Variants in CCT5 observed in about 807,000 individuals in gnomAD.
CCT5 encodes the protein T-complex protein 1 subunit epsilon.
Under a neutral mutation model 55.0 loss-of-function variants are expected in CCT5, and 6 were observed. The ratio of observed to expected loss-of-function variants is 0.11; its 90% confidence interval spans 0.06 to 0.22. The LOEUF is 0.22. CCT5 is among the 10% of genes least tolerant of loss of function. CCT5 has a pLI of 1.00. For synonymous variants in CCT5, 231 were observed against 243.7 expected, an observed-to-expected ratio of 0.95 and a Z score of 0.49; for missense variants, 560 against 694.6, an observed-to-expected ratio of 0.81 and a Z score of 2.18.
At chr5:10,259,546 A>G (rs1745852413) in intron 6 of CCT5, among the ~76,000 whole-genome samples, 1 of 152,216 alleles carries the variant, frequency 6.6e-6, no homozygotes, top group Admixed American at 6.5e-5. Context: ...CAGCTCCATT[A>G]CAGACACTGG....
chr5:10,262,322 A>G (rs1393624992), intron 8 of CCT5, 159 bp from the exon 9 acceptor site: 1 of 802,942 alleles, frequency 1.2e-6, no homozygotes, highest in Non-Finnish European at 2.1e-6. Context: ...TGTTAACTAC[A>G]TTGCAGGAAG....
chr5:10,257,348 A>G (rs10067211), intron 4 of CCT5, among the ~76,000 whole-genome samples: 6,172 of 152,278 alleles, frequency 0.041, 439 homozygotes, highest in African/African-American at 0.14. Flanking sequence ...TTCTCATGAA[A>G]GGAGGACATC....
upstream of CCT5, chr5:10,250,039 A>T: frequency 1.3e-6 from 2 of 1,542,572 alleles, no homozygotes; most frequent in Non-Finnish European, 1.7e-6. Flanking sequence ...TCGAGAAACT[A>T]TCAGTGGTAA....
chr5:10,263,204 C>G lies in CCT5; in HGVS notation c.1388C>G (p.Ser463Cys). Residue 463 changes from serine to cysteine, a missense_variant, in exon 10 of 11, where the codon TCT becomes TGT. Transcript: ENST00000280326. ...CTGGAGGTCATCCCCATGGCCCTCT[C>G]TGAAAACAGTGGCATGAATCCCATC... ...DALEVIPMAL[S>C]ENSGMNPIQT... 2 of 1,614,210 alleles carry G rather than the reference C, an allele frequency of 1.2e-6. No individual in the cohort carries two copies. The highest frequency in any genetic ancestry group is 1.7e-6 in the Non-Finnish European group (2 of 1,180,022).
intron 1 of CCT5, among the ~76,000 whole-genome samples, chr5:10,253,918 A>C (rs571630901): frequency 6.6e-6 from 1 of 152,380 alleles, no homozygotes; most frequent in East Asian, 1.9e-4. Flanking sequence ...TTGAAAATTC[A>C]GTGAGATAAC....
rs1339121501 is a variant in CCT5 at position 10,254,140 on chromosome 5, A to G, written c.106-5A>G. 1.3e-6 allele frequency: 2 copies of G among 1,598,656 alleles called. No individual in the cohort carries two copies. Among genetic ancestry groups the G allele is most frequent in the Non-Finnish European group, 1.7e-6 (2 of 1,166,292 alleles). ...AGTGTTTGCTTTTTCTGTTTGTTTC[A>G]TTAGTCTCATATAATGGCAGCAAAG... On this transcript the variant is annotated splice_polypyrimidine_tract_variant and splice_region_variant and intron_variant, in intron 1 of 10. Coordinates refer to ENST00000280326, the MANE Select transcript of CCT5 (RefSeq NM_012073.5).
At chr5:10,250,482 G>A in intron 1 of CCT5, 37 bp downstream of exon 1, 2 of 1,609,742 alleles carry the variant, frequency 1.2e-6, no homozygotes, top group South Asian at 1.1e-5. Flanking sequence ...TGGGCTAAGG[G>A]GAGGTGGCCG....
intron 1 of CCT5, chr5:10,250,767 G>A: frequency 8.2e-7 from 1 of 1,217,080 alleles, no homozygotes; most frequent in Non-Finnish European, 1.0e-6. Context: ...TGACGGCCGC[G>A]TGGGACTGCG....
intron 1 of CCT5, among the ~76,000 whole-genome samples, 153 bp from the exon 2 acceptor site, chr5:10,253,992 T>TA (rs1745553899): frequency 6.6e-6 from 1 of 152,284 alleles, no homozygotes. Flanking sequence ...TCGTAAATGT[T>TA]ATAATACTTA....
At chr5:10,252,076 G>C (rs900658275) in intron 1 of CCT5, among the ~76,000 whole-genome samples, 1 of 152,250 alleles carries the variant, frequency 6.6e-6, no homozygotes, top group African/African-American at 2.4e-5. Context: ...GTCTAGAGCA[G>C]CATTCTCAAG....
rs759599759 is a variant in CCT5, at chr5:10,250,291, T to G, written c.-50T>G. ...CGAGAAAGGGAAGTGCATTCTCGCT[T>G]CCGTAGCGGTCTCCGCCGGTTGGGG... On this transcript the variant is annotated 5_prime_UTR_variant, in exon 1 of 11. Transcript: ENST00000280326. 5 of 1,613,070 alleles carry G rather than the reference T, an allele frequency of 3.1e-6. No homozygotes were observed. The African/African-American group carries it at 6.7e-5, about 22-fold the overall frequency.
Position 10,254,837 on chromosome 5 carries a change from T to C in CCT5, c.330T>C (p.Val110=). ...TTGGAGATGGAACCACAGGAGTGGT[T>C]GGTAAGAAAAGACAAAACATCCTTT... ...DEIGDGTTGV[V]VLAGALLEEA... The change falls in exon 3 of 11, where the codon GTT becomes GTC. Residue 110 remains valine (V), a splice_region_variant and synonymous_variant. Transcript: ENST00000280326. 6.2e-7 allele frequency: 1 copy of C among 1,613,642 alleles called. No homozygotes were observed. The highest frequency in any genetic ancestry group is 1.1e-5 in the South Asian group (1 of 91,078).
At chr5:10,253,390 G>C (rs926388196) in intron 1 of CCT5, among the ~76,000 whole-genome samples, 3 of 151,936 alleles carry the variant, frequency 2.0e-5, no homozygotes, top group African/African-American at 7.3e-5. Flanking sequence ...ATTTCAGGTG[G>C]GTGGAGGAAG....
At chr5:10,257,784 C>T (rs1387969768) in intron 4 of CCT5, 2 of 380,424 alleles carry the variant, frequency 5.3e-6, no homozygotes, top group Non-Finnish European at 1.0e-5. Flanking sequence ...TGTAAAAGTG[C>T]TGCATTCTAA....
chr5:10,258,578 G>C (rs898474018), intron 6 of CCT5, 43 bp downstream of exon 6: 27 of 1,561,324 alleles, frequency 1.7e-5, no homozygotes, highest in Non-Finnish European at 2.2e-5. Flanking sequence ...AACTCCCAAA[G>C]GGTACAGTTA....
In CCT5 at chr5:10,263,327, C is replaced by CA. The variant is rs1339171529; in HGVS notation, c.1498+14dup. On this transcript the variant is annotated intron_variant, in intron 10 of 10. Transcript: ENST00000280326. The stretch of plus-strand genomic sequence containing the variant: ...AAGGGGACAAATGGTGAGGAGCTGT[C>CA]ACGCCTCTGCGTGGAGGGGGGGGGA... 1.3e-6 allele frequency: 2 copies of CA among 1,550,990 alleles called. No homozygotes were observed. The highest frequency in any genetic ancestry group is 3.6e-5 in the African/African-American group (2 of 56,328).
rs699113 is a variant in CCT5 at position 10,264,964 on chromosome 5, C to T, written c.*181C>T. 547,813 of 681,050 alleles carry T rather than the reference C, an allele frequency of 0.8. 224,920 individuals are homozygous for T. The highest frequency in any genetic ancestry group is 0.89 in the East Asian group (31,906 of 35,868). 42.2% of individuals were successfully genotyped at this position (681,050 alleles called of 1,614,324 possible). A position where few individuals can be genotyped will look rare whatever the true frequency, so the allele number is the denominator to read the frequency against. ...CAAAGCTGTGTAATCGTGGGGGTACCATCTCAACTGCTTTTGTATTCATTG... is the reference window on the plus strand; with the variant it reads ...CAAAGCTGTGTAATCGTGGGGGTACTATCTCAACTGCTTTTGTATTCATTG... On this transcript the variant is annotated 3_prime_UTR_variant, in exon 11 of 11. Coordinates refer to ENST00000280326, the MANE Select transcript of CCT5 (RefSeq NM_012073.5).
intron 6 of CCT5, among the ~76,000 whole-genome samples, chr5:10,260,276 G>C (rs1745894791): frequency 6.6e-6 from 1 of 152,196 alleles, no homozygotes; most frequent in African/African-American, 2.4e-5. Context: ...TTGCAGGTCG[G>C]GGTGAGGGTG....
At chr5:10,252,258 G>A (rs1478597003) in intron 1 of CCT5, among the ~76,000 whole-genome samples, 1 of 152,156 alleles carries the variant, frequency 6.6e-6, no homozygotes, top group Non-Finnish European at 1.5e-5. Flanking sequence ...CTCATAGAAC[G>A]TCCAGCTAAC....
Sources: allele counts gnomAD v4.1 joint callset (sites outside exome capture counted in the v4.1 genomes callset), GRCh38; gene constraint gnomAD v4.1.1; transcripts MANE v1.5; gene names NCBI Gene and HGNC (gene_info 2026-07-23, HGNC 2026-07-21).